Variants in TCF4 observed in about 807,000 individuals in gnomAD.
The protein encoded by TCF4 is transcription factor 4.
In TCF4, 3 loss-of-function variants were observed where a neutral mutation model predicts 82.1. That is an observed-to-expected ratio of 0.04 (90% CI 0.02 to 0.09). The LOEUF (loss-of-function observed/expected upper bound fraction) is 0.09, where lower values mean the gene tolerates loss of function less well. TCF4 is among the 10% of genes least tolerant of loss of function. TCF4 has a pLI of 1.00. For missense variants in TCF4, 518 were observed against 852.7 expected, an observed-to-expected ratio of 0.61 and a Z score of 4.89; for synonymous variants, 276 against 309.6, an observed-to-expected ratio of 0.89 and a Z score of 1.14.
intron 5 of TCF4, among the ~76,000 whole-genome samples, chr18:55,433,716 A>G (rs1322277447): frequency 6.6e-6 from 1 of 152,220 alleles, no homozygotes; most frequent in Non-Finnish European, 1.5e-5. Context: ...TCAACTTTAC[A>G]TATTTGCATT....
intron 3 of TCF4, among the ~76,000 whole-genome samples, chr18:55,494,060 T>TTAAATATTATA: frequency 6.6e-6 from 1 of 152,066 alleles, no homozygotes; most frequent in East Asian, 1.9e-4. Context: ...ACTCCCCTAC[T>TTAAATATTATA]TAAATATTAT....
At chr18:55,431,682 C>T (rs1166658986) in intron 5 of TCF4, among the ~76,000 whole-genome samples, 2 of 152,004 alleles carry the variant, frequency 1.3e-5, no homozygotes, top group Non-Finnish European at 2.9e-5. Context: ...AACAAGATGG[C>T]AGCAGGCGGT....
chr18:55,589,727 C>T (rs1217067151), upstream of TCF4: 1 of 1,024,910 alleles, frequency 9.8e-7, no homozygotes, highest in East Asian at 6.3e-5. Flanking sequence ...TGGACTCCCC[C>T]GTGGAGTCAC....
rs188932552 is a variant in TCF4, at chr18:55,561,933, G to C, written c.145+23347C>G. On this transcript the variant is annotated intron_variant, in intron 3 of 19. Transcript: ENST00000354452. Reference sequence around the variant, plus strand: ...TTTTTCAAATGAATAAATTCATTAAGACTTAAAGTATATTGTCCAAGATCA... The same window carrying C: ...TTTTTCAAATGAATAAATTCATTAACACTTAAAGTATATTGTCCAAGATCA... Among the ~76,000 whole-genome samples, 529 of 152,264 alleles carry C rather than the reference G, an allele frequency of 3.5e-3. 1 individual carries two copies. Among genetic ancestry groups the C allele is most frequent in the Middle Eastern group, 0.017 (5 of 294 alleles).
chr18:55,494,449 G>T (rs1338488454), intron 3 of TCF4, among the ~76,000 whole-genome samples: 1 of 152,010 alleles, frequency 6.6e-6, no homozygotes. Flanking sequence ...CTTCAAAATG[G>T]TTTCAGCCTT....
chr18:55,292,807 T>C (rs557262690), intron 8 of TCF4, among the ~76,000 whole-genome samples: 4 of 146,944 alleles, frequency 2.7e-5, no homozygotes, highest in African/African-American at 9.7e-5. Flanking sequence ...CATACACACA[T>C]CCATTTATTT....
At chr18:55,401,443 C>T (rs2093813339) in intron 6 of TCF4, 40 of 1,065,684 alleles carry the variant, frequency 3.8e-5, no homozygotes, top group Admixed American at 4.9e-5. Flanking sequence ...AAAGCATATG[C>T]AGTCATAGTG....
chr18:55,394,450 A>G (rs1163919084), intron 6 of TCF4, among the ~76,000 whole-genome samples: 3 of 152,200 alleles, frequency 2.0e-5, no homozygotes, highest in Admixed American at 6.5e-5. Flanking sequence ...TCATTGGAAG[A>G]TGTCTTCTAA....
At chr18:55,560,814 G>C (rs1178749072) in intron 3 of TCF4, among the ~76,000 whole-genome samples, 2 of 151,598 alleles carry the variant, frequency 1.3e-5, no homozygotes, top group Non-Finnish European at 2.9e-5. Context: ...TTTTTCAGAA[G>C]GGAACCATAT....
chr18:55,252,965 TC>T (rs1438660755), intron 15 of TCF4, among the ~76,000 whole-genome samples: 2 of 152,220 alleles, frequency 1.3e-5, no homozygotes, highest in African/African-American at 4.8e-5. Context: ...TCTAGACTTT[TC>T]TTTTGTAAAC....
intron 3 of TCF4, among the ~76,000 whole-genome samples, chr18:55,548,883 A>G (rs1426142446): frequency 6.6e-6 from 1 of 152,266 alleles, no homozygotes; most frequent in African/African-American, 2.4e-5. Flanking sequence ...CAGGACAAGA[A>G]GTTGCTTTAG....
chr18:55,402,339 G>C (rs551672881), intron 6 of TCF4: 20 of 514,956 alleles, frequency 3.9e-5, no homozygotes, highest in South Asian at 8.3e-5. Context: ...TTCCTCATAG[G>C]CTCGATTTAA....
chr18:55,376,510 C>CTTCTTTTCA (rs1313145445), intron 6 of TCF4, among the ~76,000 whole-genome samples: 1 of 152,026 alleles, frequency 6.6e-6, no homozygotes, highest in Non-Finnish European at 1.5e-5. Flanking sequence ...CAACCCAATT[C>CTTCTTTTCA]TTCTTTTCAT....
chr18:55,340,413 T>C (rs2079635390), intron 8 of TCF4, among the ~76,000 whole-genome samples: 1 of 151,420 alleles, frequency 6.6e-6, no homozygotes, highest in Non-Finnish European at 1.5e-5. Context: ...ACCCTGTCTC[T>C]ACCAAAAAAA....
At chr18:55,351,879 G>C in intron 6 of TCF4, 1 of 893,652 alleles carries the variant, frequency 1.1e-6, no homozygotes, top group Non-Finnish European at 1.3e-6. Context: ...AACAAGAGTA[G>C]ATAGTACCAT....
At chr18:55,368,388 A>T (rs2087854250) in intron 6 of TCF4, among the ~76,000 whole-genome samples, 1 of 152,220 alleles carries the variant, frequency 6.6e-6, no homozygotes, top group Non-Finnish European at 1.5e-5. Context: ...CTCCAAAAAC[A>T]AAACAAACAA....
chr18:55,501,940 G>A (rs1048725994), intron 3 of TCF4, among the ~76,000 whole-genome samples: 3 of 152,150 alleles, frequency 2.0e-5, no homozygotes, highest in Admixed American at 6.5e-5. Flanking sequence ...AGTGGAGAAA[G>A]AGAAATGGTG....
chr18:55,433,879 T>C (rs114466153), intron 5 of TCF4, among the ~76,000 whole-genome samples: 1,664 of 152,168 alleles, frequency 0.011, 28 homozygotes, highest in Middle Eastern at 0.037. Flanking sequence ...CAATCATCCA[T>C]GCGCACGACA....
At chr18:55,548,667 C>T (rs1361705275) in intron 3 of TCF4, among the ~76,000 whole-genome samples, 1 of 152,174 alleles carries the variant, frequency 6.6e-6, no homozygotes, top group African/African-American at 2.4e-5. Context: ...GCCTGCTATA[C>T]ACCTAGGCTA....
Sources: gnomAD v4.1 joint callset for allele counts (sites outside exome capture counted in the v4.1 genomes callset) on GRCh38, gnomAD v4.1.1 for gene constraint, MANE v1.5 for transcripts, NCBI Gene and HGNC (gene_info 2026-07-23, HGNC 2026-07-21) for gene names.